SATL1: variants seen among roughly 807,000 people sequenced by gnomAD.
SATL1 encodes the protein spermidine/spermine N1-acetyl transferase like 1, also known as spermidine/spermine N(1)-acetyltransferase-like protein 1.
In SATL1, 47 loss-of-function variants were observed where a neutral mutation model predicts 51.8. That is an observed-to-expected ratio of 0.91 (90% CI 0.72 to 1.16). SATL1 has a LOEUF of 1.16. Among genes scored for constraint, SATL1 ranks in the 50% most tolerant of loss-of-function variants. SATL1 has a pLI of 0.00. For synonymous variants in SATL1, 176 were observed against 182.4 expected (o/e 0.97, Z 0.28); for missense variants, 520 against 526.4 (o/e 0.99, Z 0.12).
At chrX:85,185,506 A>G (rs919724432) in intron 2 of SATL1, among the ~76,000 whole-genome samples, 1 of 111,098 alleles carries the variant, frequency 9.0e-6, no homozygotes. Flanking sequence ...CTGGTGATCT[A>G]TTCTACTGTA....
intron 2 of SATL1, among the ~76,000 whole-genome samples, chrX:85,122,101 T>G (rs2147701464): frequency 9.1e-6 from 1 of 110,296 alleles, no homozygotes; most frequent in South Asian, 3.8e-4. Context: ...TCTCTCGCTC[T>G]CATATTCAGG....
chrX:85,118,591 C>T (rs1925439882), intron 2 of SATL1: 1 of 111,698 alleles, frequency 9.0e-6, no homozygotes, highest in Admixed American at 9.5e-5. Flanking sequence ...TGAAAAATTG[C>T]TTAGAATCCT....
At chrX:85,189,427 G>C (rs895504437) in intron 2 of SATL1, among the ~76,000 whole-genome samples, 1 of 111,912 alleles carries the variant, frequency 8.9e-6, no homozygotes, top group African/African-American at 3.2e-5. Flanking sequence ...GTCTACATCC[G>C]TGTTCCAGCA....
intron 2 of SATL1, among the ~76,000 whole-genome samples, chrX:85,149,119 G>A (rs1164152034): frequency 2.7e-5 from 3 of 111,227 alleles, no homozygotes; most frequent in African/African-American, 6.5e-5. Context: ...GGATGGAGGA[G>A]GATCTACCAA....
In SATL1 at chrX:85,108,833, G is replaced by C. The variant is rs778114316; in HGVS notation, c.136C>G (p.Gln46Glu). 3 of 1,209,965 alleles carry C rather than the reference G, an allele frequency of 2.5e-6. No homozygotes were observed. Among genetic ancestry groups the C allele is most frequent in the African/African-American group, 3.5e-5 (2 of 57,117 alleles). ...QGSASLYEMN[Q>E]VDMKQPSMSQ... ...ATGCTTGGTTGTTTCATGTCCACTT[G>C]GTTCATTTCATATAGGCTTGCACTC... The change falls in exon 3 of 8, where the codon CAA becomes GAA. Residue 46 changes from glutamine to glutamate, a missense_variant. Around this residue, in one of 3 missense-constraint regions of SATL1, gnomAD observed 10 missense variants for 28.3 expected, o/e 0.35. Coordinates refer to ENST00000644105, the MANE Select transcript of SATL1 (RefSeq NM_001367857.2).
At chrX:85,149,270 C>T (rs1421022103) in intron 2 of SATL1, among the ~76,000 whole-genome samples, 23 of 111,406 alleles carry the variant, frequency 2.1e-4, no homozygotes, top group African/African-American at 7.5e-4. Flanking sequence ...ACTAACTATC[C>T]TAAATATATA....
intron 4 of SATL1, among the ~76,000 whole-genome samples, chrX:85,101,256 C>T (rs888001724): frequency 8.9e-6 from 1 of 111,920 alleles, no homozygotes; most frequent in African/African-American, 3.2e-5. Context: ...AAAAAGGCAA[C>T]CCATGGAATG....
chrX:85,227,058 C>T, intron 1 of SATL1, among the ~76,000 whole-genome samples: 1 of 111,276 alleles, frequency 9.0e-6, no homozygotes, highest in Non-Finnish European at 1.9e-5. Context: ...AGTCCTTTCC[C>T]TACTTTAACC....
intron 2 of SATL1, among the ~76,000 whole-genome samples, chrX:85,178,647 CAAAA>C (rs748854565): frequency 2.0e-5 from 2 of 101,379 alleles, no homozygotes; most frequent in Non-Finnish European, 4.0e-5. Flanking sequence ...AACAAACAAA[CAAAA>C]AAAAACAAAA....
At chrX:85,220,901 C>A (rs1485862823) in intron 2 of SATL1, among the ~76,000 whole-genome samples, 1 of 110,264 alleles carries the variant, frequency 9.1e-6, no homozygotes, top group Non-Finnish European at 1.9e-5. Context: ...AATATGTCCC[C>A]TCTCCTACCA....
chrX:85,187,831 C>T (rs1337859693), intron 2 of SATL1, among the ~76,000 whole-genome samples: 1 of 110,980 alleles, frequency 9.0e-6, no homozygotes, highest in East Asian at 2.8e-4. Context: ...TTATGCTGGC[C>T]TTGTTAAATC....
chrX:85,166,322 T>C (rs1395263303), intron 2 of SATL1, among the ~76,000 whole-genome samples: 5 of 111,680 alleles, frequency 4.5e-5, no homozygotes, highest in Non-Finnish European at 9.4e-5. Context: ...GCAAGAGAAA[T>C]AATCAGCAAA....
chrX:85,106,825 C>A (rs1925055137), intron 3 of SATL1, among the ~76,000 whole-genome samples: 1 of 111,931 alleles, frequency 8.9e-6, no homozygotes, highest in South Asian at 3.7e-4. Context: ...AAATTTGTTG[C>A]ATGTGAATAT....
intron 2 of SATL1, among the ~76,000 whole-genome samples, chrX:85,212,325 G>C (rs1402183572): frequency 9.0e-6 from 1 of 111,628 alleles, no homozygotes; most frequent in African/African-American, 3.2e-5. Flanking sequence ...TGAGAAAAAA[G>C]TCAGTACTGA....
At chrX:85,236,842 A>G (rs1318305160) in intron 1 of SATL1, among the ~76,000 whole-genome samples, 1 of 111,376 alleles carries the variant, frequency 9.0e-6, no homozygotes, top group Non-Finnish European at 1.9e-5. Context: ...TACTTAGACC[A>G]ATCAGACAAA....
At chrX:85,116,133 T>C (rs778202147) in intron 2 of SATL1, 1 of 111,735 alleles carries the variant, frequency 8.9e-6, no homozygotes, top group East Asian at 2.8e-4. Context: ...CCAAGTCACA[T>C]GACACCAAAG....
chrX:85,151,900 G>C (rs1297082711), intron 2 of SATL1, among the ~76,000 whole-genome samples: 8 of 111,027 alleles, frequency 7.2e-5, no homozygotes, highest in Non-Finnish European at 1.5e-4. Flanking sequence ...CAGGACATAG[G>C]CATGGGCAAG....
chrX:85,092,786 C>A (rs748284377), intron 7 of SATL1: 744 of 358,165 alleles, frequency 2.1e-3, no homozygotes, highest in Non-Finnish European at 2.9e-3. Context: ...TTTGCAAAGC[C>A]TTTATCATAC....
intron 1 of SATL1, among the ~76,000 whole-genome samples, chrX:85,241,690 T>C (rs1456780785): frequency 1.8e-5 from 2 of 111,917 alleles, no homozygotes; most frequent in Non-Finnish European, 1.9e-5. Context: ...GGTGTTATCC[T>C]AGACTTCTAG....
Sources: gnomAD v4.1 joint callset for allele counts (sites outside exome capture counted in the v4.1 genomes callset) on GRCh38, gnomAD v4.1.1 for gene constraint, gnomAD v4.1.1 regional missense constraint, MANE v1.5 for transcripts, NCBI Gene and HGNC (gene_info 2026-07-23, HGNC 2026-07-21) for gene names.